The following TECRL variants were observed in gnomAD, a reference collection of about 807,000 sequenced individuals.
The protein encoded by TECRL is trans-2,3-enoyl-CoA reductase-like.
In TECRL, 63 loss-of-function variants were observed where a neutral mutation model predicts 52.8. The observed-to-expected ratio is 1.19, with a 90% CI of 0.97 to 1.47. The LOEUF is 1.47. TECRL is among the 40% of genes most tolerant of loss of function. The pLI, the probability that TECRL is intolerant of heterozygous loss-of-function variation, is 0.00. For synonymous variants in TECRL, 164 were observed against 141.9 expected, an observed-to-expected ratio of 1.16 and a Z score of -1.10; for missense variants, 482 against 429.6, an observed-to-expected ratio of 1.12 and a Z score of -1.08.
chr4:64,358,407 G>A (rs1266860274), intron 2 of TECRL, among the ~76,000 whole-genome samples: 1 of 151,638 alleles, frequency 6.6e-6, no homozygotes, highest in Non-Finnish European at 1.5e-5. Flanking sequence ...GATGTATATT[G>A]CACATCAAGC....
intron 1 of TECRL, among the ~76,000 whole-genome samples, chr4:64,400,637 T>G (rs1724289411): frequency 6.6e-6 from 1 of 152,078 alleles, no homozygotes; most frequent in Non-Finnish European, 1.5e-5. Context: ...CATGAATGGT[T>G]TAGTACCATT....
At chr4:64,338,247 G>A (rs2110066831) in intron 2 of TECRL, among the ~76,000 whole-genome samples, 1 of 152,224 alleles carries the variant, frequency 6.6e-6, no homozygotes, top group South Asian at 2.1e-4. Context: ...AGCTGAAACT[G>A]GATCCCTTCC....
rs1018244967 is a variant in TECRL, at chr4:64,356,620, C to T, written c.286+18552G>A. On this transcript the variant is annotated intron_variant, in intron 2 of 11. Coordinates refer to ENST00000381210, the MANE Select transcript of TECRL (RefSeq NM_001010874.5). ...AGATTCCTTTGCTCACATGCTTTCT[C>T]GCTGACCTTCTCCCTATTATCACCC... Among the ~76,000 whole-genome samples, 7 of 152,236 alleles carry T rather than the reference C, an allele frequency of 4.6e-5. 1 individual carries two copies. Among genetic ancestry groups the T allele is most frequent in the Admixed American group, 2.0e-4 (3 of 15,284 alleles).
intron 1 of TECRL, among the ~76,000 whole-genome samples, chr4:64,392,285 T>C (rs1723599304): frequency 6.6e-6 from 1 of 151,938 alleles, no homozygotes; most frequent in African/African-American, 2.4e-5. Flanking sequence ...TCCTACCATG[T>C]TCCCGTATGA....
intron 1 of TECRL, among the ~76,000 whole-genome samples, chr4:64,388,523 T>C (rs899312901): frequency 6.6e-5 from 10 of 151,942 alleles, no homozygotes; most frequent in African/African-American, 2.4e-4. Context: ...TGCCTCTTCA[T>C]ATATACTTTA....
chr4:64,290,674 G>A (rs1474219141), intron 8 of TECRL, among the ~76,000 whole-genome samples: 2 of 151,726 alleles, frequency 1.3e-5, no homozygotes, highest in African/African-American at 4.8e-5. Context: ...TTTAATTTCT[G>A]GATGTTTCTC....
chr4:64,306,912 T>C (rs1724373255), intron 6 of TECRL, among the ~76,000 whole-genome samples: 1 of 152,232 alleles, frequency 6.6e-6, no homozygotes, highest in African/African-American at 2.4e-5. Flanking sequence ...GACACAAAGT[T>C]ACAGGCTAAC....
At chr4:64,339,377 C>T (rs113420347) in intron 2 of TECRL, among the ~76,000 whole-genome samples, 1 of 151,528 alleles carries the variant, frequency 6.6e-6, no homozygotes, top group Non-Finnish European at 1.5e-5. Flanking sequence ...ACCAACATGG[C>T]ACATGTATAC....
In TECRL at chr4:64,324,970, TA is replaced by T. The variant is rs377438331; in HGVS notation, c.332-2179del. Among the ~76,000 whole-genome samples, 1,193 of 152,270 alleles carry T rather than the reference TA, an allele frequency of 7.8e-3. 18 individuals are homozygous for T. Among genetic ancestry groups the T allele is most frequent in the African/African-American group, 0.027 (1,118 of 41,546 alleles). ...TTGATTAAATTATATTGCATGGCTT[TA>T]AAAAATGAGATTATCTAGGTAGTCC... On this transcript the variant is annotated intron_variant, in intron 3 of 11. Transcript: ENST00000381210.
chr4:64,322,489 CT>C (rs938616673), intron 4 of TECRL, among the ~76,000 whole-genome samples, 199 bp downstream of exon 4: 1 of 147,498 alleles, frequency 6.8e-6, no homozygotes, highest in African/African-American at 2.5e-5. Flanking sequence ...ACTTATCTTC[CT>C]TTTTCAAAAC....
intron 4 of TECRL, among the ~76,000 whole-genome samples, chr4:64,320,281 C>T (rs559062591): frequency 6.6e-6 from 1 of 151,814 alleles, no homozygotes; most frequent in Non-Finnish European, 1.5e-5. Flanking sequence ...TTTAACCTTG[C>T]TAAATTAGAT....
chr4:64,300,016 T>A lies in TECRL; in HGVS notation c.732A>T (p.Ser244=). ...ATACTGTGATTTGCCTGTTTCCAAA[T>A]GCTGGAGAGTAGAAAAAGAATATGT... ...YINHPLYTPP[S]FGNRQITVSA... is the part of the protein sequence containing the mutation. The change falls in exon 8 of 12, where the codon TCA becomes TCT. Residue 244 remains serine, a splice_region_variant and synonymous_variant. Transcript: ENST00000381210. 1 of 1,572,348 alleles carries A rather than the reference T, an allele frequency of 6.4e-7. No individual in the cohort carries two copies. Among genetic ancestry groups the A allele is most frequent in the South Asian group, 1.2e-5 (1 of 85,368 alleles).
At chr4:64,321,981 A>C (rs1170375965) in intron 4 of TECRL, among the ~76,000 whole-genome samples, 1 of 152,196 alleles carries the variant, frequency 6.6e-6, no homozygotes, top group Non-Finnish European at 1.5e-5. Flanking sequence ...CATGTAAATA[A>C]CAAAGCATAG....
chr4:64,334,773 T>A (rs1412247804), intron 2 of TECRL, among the ~76,000 whole-genome samples: 1 of 152,200 alleles, frequency 6.6e-6, no homozygotes, highest in Non-Finnish European at 1.5e-5. Context: ...AGCAACAAGC[T>A]GGTTGCCTGT....
chr4:64,404,501 C>T (rs1724581308), intron 1 of TECRL, among the ~76,000 whole-genome samples: 1 of 151,834 alleles, frequency 6.6e-6, no homozygotes, highest in South Asian at 2.1e-4. Flanking sequence ...TTTAATGTTC[C>T]AACAAATACT....
chr4:64,312,918 G>A (rs1196167977), intron 5 of TECRL, among the ~76,000 whole-genome samples: 2 of 152,036 alleles, frequency 1.3e-5, no homozygotes, highest in Admixed American at 1.3e-4. Context: ...CTTTATCCCA[G>A]CCGCTTTTAA....
At chr4:64,370,482 A>C (rs905761764) in intron 2 of TECRL, among the ~76,000 whole-genome samples, 1 of 149,836 alleles carries the variant, frequency 6.7e-6, no homozygotes. Context: ...TCACAAGCAG[A>C]AAGTTTTTTT....
intron 1 of TECRL, among the ~76,000 whole-genome samples, chr4:64,380,991 T>G (rs1000110684): frequency 3.9e-5 from 6 of 152,084 alleles, no homozygotes; most frequent in East Asian, 1.9e-4. Flanking sequence ...GGTGGGGTGG[T>G]GTGGATATTT....
chr4:64,307,676 G>A (rs1724420482), intron 6 of TECRL, among the ~76,000 whole-genome samples: 5 of 152,234 alleles, frequency 3.3e-5, no homozygotes, highest in Middle Eastern at 3.4e-3. Context: ...TTCACTCTGG[G>A]CAAGCCCCAA....
Sources: gnomAD v4.1 joint callset for allele counts (sites outside exome capture counted in the v4.1 genomes callset) on GRCh38, gnomAD v4.1.1 for gene constraint, MANE v1.5 for transcripts, NCBI Gene and HGNC (gene_info 2026-07-23, HGNC 2026-07-21) for gene names.